Variants in VRK1 observed in about 807,000 individuals in gnomAD.
VRK1 encodes serine/threonine-protein kinase VRK1.
In VRK1, 33 loss-of-function variants were observed where a neutral mutation model predicts 57.1. The ratio of observed to expected loss-of-function variants is 0.58; its 90% CI spans 0.44 to 0.77. The LOEUF (loss-of-function observed/expected upper bound fraction) is 0.77. Ranked by LOEUF, VRK1 falls within the 30% of genes least tolerant of loss-of-function variation. The pLI is 0.00. For missense variants in VRK1, 413 were observed against 477.3 expected (o/e 0.87, Z 1.25); for synonymous variants, 137 against 147.8 (o/e 0.93, Z 0.53).
At chr14:96,827,846 T>G (rs1777290179) in intron 1 of VRK1, among the ~76,000 whole-genome samples, 1 of 152,220 alleles carries the variant, frequency 6.6e-6, no homozygotes, top group African/African-American at 2.4e-5. Context: ...ACTGTGTTAA[T>G]TTTACATAAA....
chr14:96,811,083 C>T (rs1465793978), intron 1 of VRK1, among the ~76,000 whole-genome samples: 1 of 152,112 alleles, frequency 6.6e-6, no homozygotes, highest in Non-Finnish European at 1.5e-5. Context: ...GTGCACGCCA[C>T]CACGCCCAGC....
intron 3 of VRK1, among the ~76,000 whole-genome samples, chr14:96,843,900 A>G (rs1887568948): frequency 6.6e-6 from 1 of 152,224 alleles, no homozygotes; most frequent in East Asian, 1.9e-4. Context: ...GGCTTTCATT[A>G]TAATAGCCTG....
intron 1 of VRK1, among the ~76,000 whole-genome samples, chr14:96,797,823 C>T (rs1595629534): frequency 6.6e-6 from 1 of 152,236 alleles, no homozygotes; most frequent in East Asian, 1.9e-4. Flanking sequence ...GGGTGAACAG[C>T]GCAGGCGAGG....
chr14:96,866,434 A>G lies in VRK1; in HGVS notation c.1068+5699A>G, dbSNP rs151308986. Among the ~76,000 whole-genome samples, 128 of 152,274 alleles carry G rather than the reference A, an allele frequency of 8.4e-4. 1 individual carries two copies. Among genetic ancestry groups the G allele is most frequent in the African/African-American group, 3.0e-3 (123 of 41,558 alleles). On this transcript the variant is annotated intron_variant, in intron 11 of 12. Transcript: ENST00000216639. ...GAATCCACAGTGAAAGAAAGACTAT[A>G]TTGGCGATCTCTTCTCCATGACTTT... is the stretch of plus-strand genomic sequence containing the variant.
chr14:96,818,246 C>G (rs1360210544), intron 1 of VRK1, among the ~76,000 whole-genome samples: 1 of 152,150 alleles, frequency 6.6e-6, no homozygotes, highest in Non-Finnish European at 1.5e-5. Context: ...TCTTTTAGAA[C>G]TTTTAGAAGT....
intron 3 of VRK1, among the ~76,000 whole-genome samples, chr14:96,839,028 C>T (rs1229199782): frequency 6.7e-6 from 1 of 149,892 alleles, no homozygotes; most frequent in Non-Finnish European, 1.5e-5. Flanking sequence ...TCCTTATGTT[C>T]TTATTCAGTC....
intron 1 of VRK1, among the ~76,000 whole-genome samples, chr14:96,811,747 G>A (rs1886214324): frequency 6.7e-6 from 1 of 148,954 alleles, no homozygotes; most frequent in South Asian, 2.2e-4. Flanking sequence ...TGTTATCCTT[G>A]CTATCACATT....
At chr14:96,868,347 A>G (rs949327789) in intron 11 of VRK1, among the ~76,000 whole-genome samples, 6 of 152,198 alleles carry the variant, frequency 3.9e-5, no homozygotes, top group Non-Finnish European at 8.8e-5. Flanking sequence ...CAAGTAAATC[A>G]AAAGCTATAA....
intron 1 of VRK1, among the ~76,000 whole-genome samples, chr14:96,809,180 A>G (rs1886054988): frequency 6.6e-6 from 1 of 152,192 alleles, no homozygotes; most frequent in Non-Finnish European, 1.5e-5. Context: ...CTGAGTGTCC[A>G]GAGGAAGCTT....
At chr14:96,860,437 A>G in intron 10 of VRK1, 120 bp from the exon 11 acceptor site, 1 of 923,582 alleles carries the variant, frequency 1.1e-6, no homozygotes, top group Non-Finnish European at 1.6e-6. Flanking sequence ...ATTGAAAAAA[A>G]TAGGTATCTT....
chr14:96,815,061 G>T (rs768264419), intron 1 of VRK1, among the ~76,000 whole-genome samples: 2 of 152,186 alleles, frequency 1.3e-5, no homozygotes, highest in Non-Finnish European at 2.9e-5. Flanking sequence ...GAGCAAAAGG[G>T]AGTATGCATT....
At chr14:96,849,023 G>C (rs12897588) in intron 5 of VRK1, among the ~76,000 whole-genome samples, 1 of 151,878 alleles carries the variant, frequency 6.6e-6, no homozygotes, top group Non-Finnish European at 1.5e-5. Context: ...GAGGAAGAGG[G>C]CATGTGTGTA....
chr14:96,848,977 T>C (rs546659271), intron 5 of VRK1, among the ~76,000 whole-genome samples: 1 of 152,298 alleles, frequency 6.6e-6, no homozygotes, highest in African/African-American at 2.4e-5. Context: ...AGACTTTTAT[T>C]CTACTGTATG....
intron 9 of VRK1, 107 bp downstream of exon 9, chr14:96,856,357 T>C: frequency 6.9e-7 from 1 of 1,440,440 alleles, no homozygotes; most frequent in Admixed American, 1.9e-5. Flanking sequence ...GATATAGAAA[T>C]AAGAAAGTAC....
At chr14:96,870,786 T>A (rs1888791380) in intron 11 of VRK1, among the ~76,000 whole-genome samples, 1 of 152,136 alleles carries the variant, frequency 6.6e-6, no homozygotes, top group Non-Finnish European at 1.5e-5. Context: ...TAATCAAGGG[T>A]TAGCTTGTTT....
intron 4 of VRK1, among the ~76,000 whole-genome samples, chr14:96,846,837 AGAGAT>A (rs1262277603): frequency 6.6e-6 from 1 of 152,094 alleles, no homozygotes; most frequent in Non-Finnish European, 1.5e-5. Context: ...TAAGTAATCT[AGAGAT>A]GAGATAAAGT....
chr14:96,806,448 G>A (rs1885881894), intron 1 of VRK1, among the ~76,000 whole-genome samples: 1 of 152,138 alleles, frequency 6.6e-6, no homozygotes, highest in African/African-American at 2.4e-5. Flanking sequence ...TGATACTTGT[G>A]GAATATGTGC....
intron 1 of VRK1, among the ~76,000 whole-genome samples, chr14:96,798,936 ATTCTCTAC>A (rs991646864): frequency 5.9e-5 from 9 of 152,242 alleles, no homozygotes; most frequent in African/African-American, 2.2e-4. Flanking sequence ...CACAGATGGT[ATTCTCTAC>A]ATCTCAACAT....
chr14:96,843,834 A>G (rs1321202311), intron 3 of VRK1, among the ~76,000 whole-genome samples: 1 of 152,126 alleles, frequency 6.6e-6, no homozygotes, highest in African/African-American at 2.4e-5. Flanking sequence ...GTGATAATGG[A>G]AGTTTATTGG....
Sources: gnomAD v4.1 joint callset for allele counts (sites outside exome capture counted in the v4.1 genomes callset) on GRCh38, gnomAD v4.1.1 for gene constraint, MANE v1.5 for transcripts, NCBI Gene and HGNC (gene_info 2026-07-23, HGNC 2026-07-21) for gene names.